The following LINGO2 variants were observed in gnomAD, a reference collection of about 807,000 sequenced individuals.
LINGO2 encodes leucine rich repeat and Ig domain containing 2, also known as leucine-rich repeat and immunoglobulin-like domain-containing nogo receptor-interacting protein 2.
Under a neutral mutation model 30.6 loss-of-function variants are expected in LINGO2, and 14 were observed. The observed-to-expected ratio is 0.46, with a 90% CI of 0.30 to 0.72. LINGO2 has a LOEUF of 0.72. Among genes scored for constraint, LINGO2 ranks in the 30% least tolerant of loss-of-function variants. LINGO2 has a pLI of 0.07. For synonymous variants in LINGO2, 317 were observed against 288.5 expected (o/e 1.10, Z -1.00); for missense variants, 729 against 751.7 (o/e 0.97, Z 0.35).
At chr9:28,378,612 G>A (rs894001918) in intron 2 of LINGO2, among the ~76,000 whole-genome samples, 3 of 152,072 alleles carry the variant, frequency 2.0e-5, no homozygotes, top group Admixed American at 1.3e-4. Flanking sequence ...ATGAGGCTAC[G>A]GAACTGTTGA....
intron 4 of LINGO2, among the ~76,000 whole-genome samples, chr9:28,152,997 A>G (rs1484557681): frequency 6.6e-6 from 1 of 152,194 alleles, no homozygotes; most frequent in Non-Finnish European, 1.5e-5. Flanking sequence ...AAATGCCTAA[A>G]TATCAATGAA....
chr9:28,319,390 C>A (rs575627894), intron 3 of LINGO2, among the ~76,000 whole-genome samples: 1 of 152,088 alleles, frequency 6.6e-6, no homozygotes, highest in South Asian at 2.1e-4. Context: ...TAAGACCACT[C>A]AGATAATTCA....
chr9:28,246,944 A>G (rs531113826), intron 4 of LINGO2, among the ~76,000 whole-genome samples: 15 of 152,366 alleles, frequency 9.8e-5, no homozygotes, highest in South Asian at 8.3e-4. Flanking sequence ...AAAGTGGGCA[A>G]AGGATATGAA....
the LINGO2 span, among the ~76,000 whole-genome samples, chr9:28,876,772 A>G: frequency 5.5e-3 from 833 of 152,152 alleles, 4 homozygotes; most frequent in African/African-American, 0.019. Context: ...ACCCAGTAAT[A>G]GGATGGCTGG....
At chr9:28,672,851 C>T (rs139441808), upstream of LINGO2, among the ~76,000 whole-genome samples, 1 of 152,116 alleles carries the variant, frequency 6.6e-6, no homozygotes, top group African/African-American at 2.4e-5. Context: ...TATTTACAAC[C>T]ACAAACCAGA....
the LINGO2 span, among the ~76,000 whole-genome samples, chr9:29,097,579 T>C: frequency 2.9e-3 from 405 of 139,258 alleles, 79 homozygotes; most frequent in African/African-American, 0.01. Flanking sequence ...TTATAAACTT[T>C]ACTGTTACAC....
At chr9:29,112,679 C>T in the LINGO2 span, among the ~76,000 whole-genome samples, 1 of 152,182 alleles carries the variant, frequency 6.6e-6, no homozygotes, top group Non-Finnish European at 1.5e-5. Context: ...AAAAATGCTA[C>T]TCCATTCCTA....
intron 4 of LINGO2, among the ~76,000 whole-genome samples, chr9:28,036,970 A>G (rs1587740011): frequency 6.6e-6 from 1 of 152,344 alleles, no homozygotes; most frequent in South Asian, 2.1e-4. Context: ...AAGTGAGACA[A>G]GTGTAACATT....
At chr9:29,059,732 T>A in the LINGO2 span, among the ~76,000 whole-genome samples, 2 of 152,070 alleles carry the variant, frequency 1.3e-5, no homozygotes, top group Non-Finnish European at 2.9e-5. Context: ...GTTATCATAA[T>A]TCTAAATGTC....
chr9:28,334,947 G>C (rs544770550), intron 3 of LINGO2, among the ~76,000 whole-genome samples: 2 of 152,286 alleles, frequency 1.3e-5, no homozygotes, highest in South Asian at 4.1e-4. Flanking sequence ...GAATGACTGA[G>C]TCAGAATTCC....
chr9:29,009,677 C>A, the LINGO2 span, among the ~76,000 whole-genome samples: 1 of 152,102 alleles, frequency 6.6e-6, no homozygotes. Flanking sequence ...TTGGAAAAAA[C>A]AACTTTAAAG....
At chr9:28,559,906 C>G (rs1475117190) in intron 1 of LINGO2, among the ~76,000 whole-genome samples, 1 of 151,876 alleles carries the variant, frequency 6.6e-6, no homozygotes, top group East Asian at 1.9e-4. Context: ...CTTACTTTCA[C>G]CAGCTTAAAA....
intron 4 of LINGO2, among the ~76,000 whole-genome samples, chr9:28,274,855 C>G (rs1193019403): frequency 6.6e-6 from 1 of 152,146 alleles, no homozygotes; most frequent in African/African-American, 2.4e-5. Flanking sequence ...AGTAGCTATG[C>G]CATTGGCTAT....
chr9:28,189,661 A>G (rs796142044), intron 4 of LINGO2, among the ~76,000 whole-genome samples: 53 of 45,664 alleles, frequency 1.2e-3, no homozygotes, highest in Non-Finnish European at 1.8e-3. Context: ...GGAAGGAAGG[A>G]AGGAAGGGAG....
the LINGO2 span, among the ~76,000 whole-genome samples, chr9:28,709,453 G>C: frequency 2.0e-5 from 3 of 151,960 alleles, no homozygotes; most frequent in Admixed American, 6.6e-5. Flanking sequence ...TCTTTTGTAT[G>C]TTTACTTTGG....
intron 1 of LINGO2, among the ~76,000 whole-genome samples, chr9:28,647,960 A>C (rs1303554947): frequency 6.6e-6 from 1 of 150,878 alleles, no homozygotes; most frequent in African/African-American, 2.4e-5. Flanking sequence ...GTATTTAAAT[A>C]AAAGGAGACC....
the LINGO2 span, among the ~76,000 whole-genome samples, chr9:28,937,516 C>T: frequency 6.6e-6 from 1 of 152,152 alleles, no homozygotes; most frequent in South Asian, 2.1e-4. Flanking sequence ...GAGAATAATT[C>T]TCTTTGGCTT....
chr9:27,980,461 T>G (rs1232322728), intron 5 of LINGO2, among the ~76,000 whole-genome samples: 2 of 151,956 alleles, frequency 1.3e-5, no homozygotes, highest in African/African-American at 2.4e-5. Flanking sequence ...TTTATTTACT[T>G]AGTGCTTCCA....
chr9:28,293,186 C>T (rs982092084), intron 4 of LINGO2, among the ~76,000 whole-genome samples: 1 of 152,110 alleles, frequency 6.6e-6, no homozygotes, highest in Non-Finnish European at 1.5e-5. Flanking sequence ...TAACCTCCGA[C>T]TCTTGGGCTC....
Sources: allele counts gnomAD v4.1 joint callset (sites outside exome capture counted in the v4.1 genomes callset), GRCh38; gene constraint gnomAD v4.1.1; transcripts MANE v1.5; gene names NCBI Gene and HGNC (gene_info 2026-07-23, HGNC 2026-07-21).